The following SAMMSON variants were observed in gnomAD, a reference collection of about 807,000 sequenced individuals.
SAMMSON encodes long intergenic non-protein coding RNA 1212.
chr3:69,999,986 A>G (rs1215760919), intron 1 of SAMMSON: 2 of 152,008 alleles, frequency 1.3e-5, no homozygotes, highest in Non-Finnish European at 2.9e-5. Context: ...ACTCAATACA[A>G]CTTTGCACTC....
chr3:70,369,627 C>T (rs1702949735), intron 9 of SAMMSON, among the ~76,000 whole-genome samples: 1 of 151,078 alleles, frequency 6.6e-6, no homozygotes, highest in Admixed American at 6.6e-5. Context: ...GGAAAAGAGC[C>T]CAGTTTCTTG....
chr3:70,228,453 G>A (rs1257163846), intron 4 of SAMMSON, among the ~76,000 whole-genome samples: 1 of 151,970 alleles, frequency 6.6e-6, no homozygotes, highest in Non-Finnish European at 1.5e-5. Flanking sequence ...CACTGATAGA[G>A]ATTCAGAAAT....
chr3:70,092,080 T>C (rs12638183), intron 4 of SAMMSON, among the ~76,000 whole-genome samples: 4,880 of 152,252 alleles, frequency 0.032, 155 homozygotes, highest in East Asian at 0.16. Flanking sequence ...GCTCTAGGCC[T>C]GGGTTTCCAC....
chr3:70,021,557 T>C (rs1225989648), intron 3 of SAMMSON, among the ~76,000 whole-genome samples: 1 of 152,232 alleles, frequency 6.6e-6, no homozygotes, highest in Non-Finnish European at 1.5e-5. Flanking sequence ...CCTGATTATA[T>C]TTAGTTTTTT....
chr3:70,361,974 T>A (rs981820739), intron 9 of SAMMSON, among the ~76,000 whole-genome samples: 1 of 152,180 alleles, frequency 6.6e-6, no homozygotes, highest in Non-Finnish European at 1.5e-5. Flanking sequence ...ATCCATGTAA[T>A]TATTTTAATG....
intron 3 of SAMMSON, among the ~76,000 whole-genome samples, chr3:70,026,562 G>C (rs1180403840): frequency 6.6e-6 from 1 of 152,150 alleles, no homozygotes; most frequent in Non-Finnish European, 1.5e-5. Flanking sequence ...CAGACAAGTG[G>C]TCTAGACTAG....
chr3:70,037,449 A>C (rs1039681065), intron 3 of SAMMSON, among the ~76,000 whole-genome samples: 3 of 152,102 alleles, frequency 2.0e-5, no homozygotes, highest in Admixed American at 6.6e-5. Flanking sequence ...GACTACTTTT[A>C]TCTCCAGTGC....
chr3:70,351,078 C>G (rs574270954), intron 7 of SAMMSON, among the ~76,000 whole-genome samples: 1 of 151,990 alleles, frequency 6.6e-6, no homozygotes, highest in Non-Finnish European at 1.5e-5. Context: ...TGTGAAACCC[C>G]TTTTTATTAG....
chr3:70,295,497 G>C (rs1192135522), intron 7 of SAMMSON, among the ~76,000 whole-genome samples: 1 of 152,038 alleles, frequency 6.6e-6, no homozygotes, highest in Non-Finnish European at 1.5e-5. Context: ...GAGGCCAGGA[G>C]TTCGAGACTG....
chr3:70,293,502 G>A (rs1559556382), intron 7 of SAMMSON, among the ~76,000 whole-genome samples: 1 of 151,972 alleles, frequency 6.6e-6, no homozygotes, highest in Non-Finnish European at 1.5e-5. Flanking sequence ...TCCTACTATT[G>A]TGATGTTGCC....
At chr3:70,421,060 A>G (rs975569338) in intron 2 of SAMMSON, among the ~76,000 whole-genome samples, 12 of 152,162 alleles carry the variant, frequency 7.9e-5, no homozygotes, top group Admixed American at 2.0e-4. Flanking sequence ...AGGATTATAT[A>G]CATATAATTC....
intron 4 of SAMMSON, among the ~76,000 whole-genome samples, chr3:70,215,228 G>T (rs1235748431): frequency 6.6e-6 from 1 of 152,132 alleles, no homozygotes; most frequent in Non-Finnish European, 1.5e-5. Context: ...TAGAGGGTCA[G>T]AGATTTTAGT....
intron 4 of SAMMSON, among the ~76,000 whole-genome samples, chr3:70,207,267 A>G (rs1235740552): frequency 1.3e-5 from 2 of 152,068 alleles, no homozygotes; most frequent in South Asian, 2.1e-4. Context: ...AAAAAGAAAA[A>G]TGCATATAAA....
chr3:70,422,845 T>A (rs931442562), intron 2 of SAMMSON, among the ~76,000 whole-genome samples: 3 of 151,988 alleles, frequency 2.0e-5, no homozygotes, highest in Non-Finnish European at 4.4e-5. Flanking sequence ...GAAAATAATA[T>A]GCACCTGGAG....
At chr3:70,304,350 T>C (rs1389657079) in intron 7 of SAMMSON, among the ~76,000 whole-genome samples, 1 of 152,216 alleles carries the variant, frequency 6.6e-6, no homozygotes. Context: ...TCAAGACTTC[T>C]CTTGTCCACA....
intron 3 of SAMMSON, among the ~76,000 whole-genome samples, chr3:70,024,208 G>A (rs1489960194): frequency 6.6e-6 from 1 of 152,146 alleles, no homozygotes; most frequent in African/African-American, 2.4e-5. Context: ...AGCGGTACAA[G>A]TCTAGACATA....
intron 3 of SAMMSON, among the ~76,000 whole-genome samples, chr3:70,058,746 T>C (rs1485128726): frequency 3.3e-5 from 5 of 152,138 alleles, no homozygotes. Context: ...CTGCAATTGA[T>C]CACTTGCTAC....
At chr3:70,285,102 A>G (rs1702130168) in intron 6 of SAMMSON, among the ~76,000 whole-genome samples, 1 of 149,842 alleles carries the variant, frequency 6.7e-6, no homozygotes, top group South Asian at 2.1e-4. Flanking sequence ...ACATGTGCAC[A>G]TTGTGCAGGT....
intron 2 of SAMMSON, among the ~76,000 whole-genome samples, chr3:70,402,477 G>T (rs1701148058): frequency 6.6e-6 from 1 of 152,150 alleles, no homozygotes; most frequent in South Asian, 2.1e-4. Context: ...CATGGATTAA[G>T]TTGGTGTATT....
Sources: gnomAD v4.1 joint callset for allele counts (sites outside exome capture counted in the v4.1 genomes callset) on GRCh38, gnomAD v4.1.1 for gene constraint, MANE v1.5 for transcripts, NCBI Gene and HGNC (gene_info 2026-07-23, HGNC 2026-07-21) for gene names.